CLMN: variants seen among roughly 807,000 people sequenced by gnomAD.
CLMN encodes calmin.
A neutral mutation model predicts 92.7 loss-of-function variants in CLMN; 57 were observed. The ratio of observed to expected loss-of-function variants is 0.61; its 90% CI spans 0.50 to 0.77. CLMN has a LOEUF of 0.77. CLMN is among the 30% of genes least tolerant of loss of function. The pLI, the probability that CLMN is intolerant of heterozygous loss-of-function variation, is 0.00. For synonymous variants in CLMN, 466 were observed against 470.6 expected (o/e 0.99, Z 0.13); for missense variants, 1,158 against 1,237.5 (o/e 0.94, Z 0.96).
At chr14:95,269,463 C>T (rs903871660) in intron 1 of CLMN, among the ~76,000 whole-genome samples, 3 of 152,316 alleles carry the variant, frequency 2.0e-5, no homozygotes, top group African/African-American at 2.4e-5. Flanking sequence ...GGTACATCTA[C>T]GGAAAGGTGG....
intron 1 of CLMN, among the ~76,000 whole-genome samples, chr14:95,306,930 TAC>T (rs1901304568): frequency 2.6e-5 from 4 of 152,124 alleles, no homozygotes; most frequent in Admixed American, 6.5e-5. Context: ...GATGAAACAA[TAC>T]ATGCATGTTA....
At chr14:95,196,347 A>C (rs1896710609) in intron 10 of CLMN, 151 bp downstream of exon 10, 1 of 777,278 alleles carries the variant, frequency 1.3e-6, no homozygotes, top group South Asian at 2.0e-5. Context: ...CGGGGAACCC[A>C]GGTGTAGAGA....
chr14:95,291,656 T>C (rs1041795682), intron 1 of CLMN, among the ~76,000 whole-genome samples: 4 of 152,124 alleles, frequency 2.6e-5, no homozygotes, highest in Non-Finnish European at 4.4e-5. Flanking sequence ...CAGAGCCCCA[T>C]AGATAAATTC....
At chr14:95,278,980 A>C (rs1354956699) in intron 1 of CLMN, among the ~76,000 whole-genome samples, 1 of 152,222 alleles carries the variant, frequency 6.6e-6, no homozygotes, top group Non-Finnish European at 1.5e-5. Flanking sequence ...TGAAGCCAGT[A>C]ATCTAATTAA....
At position 95,193,893 on chromosome 14, in the gene CLMN, C is replaced by G; in HGVS notation, c.2796G>C (p.Arg932Ser). The G allele has an allele frequency of 6.2e-7, 1 of 1,614,140 alleles. No homozygotes were observed. Among genetic ancestry groups the G allele is most frequent in the Non-Finnish European group, 8.5e-7 (1 of 1,180,038 alleles). Residue 932 changes from arginine (R) to serine (S), a missense_variant, in exon 12 of 13, where the codon AGG (arginine) becomes AGC (serine). Transcript: ENST00000298912. ...TTCTGTCATCCAGATCTGCTGCGTT[C>G]CTCAACTGAACATAGCTAAAATGAT... ...ESDHFSYVQL[R>S]NAADLDDRRN...
chr14:95,316,309 C>A (rs1373019496), intron 1 of CLMN, among the ~76,000 whole-genome samples: 2 of 152,272 alleles, frequency 1.3e-5, no homozygotes, highest in Non-Finnish European at 2.9e-5. Context: ...ACCCCTGTTT[C>A]CTTGCAAGGG....
rs201977009 is a variant in CLMN at position 95,253,614 on chromosome 14, T to TTG, written c.83-23482_83-23481insCA. On this transcript the variant is annotated intron_variant, in intron 1 of 12. Transcript: ENST00000298912. Reference sequence around the variant, plus strand: ...CATTAACACAGTGTTTTTTTGTTTTTTTGTTTTTTTTTTTTTGAGACAGAG... The same window carrying TTG: ...CATTAACACAGTGTTTTTTTGTTTTTTGTTGTTTTTTTTTTTTTGAGACAGAG... Among the ~76,000 whole-genome samples, 415 of 121,162 alleles carry TTG rather than the reference T, an allele frequency of 3.4e-3. 2 individuals carry two copies. Among genetic ancestry groups the TTG allele is most frequent in the African/African-American group, 0.011 (365 of 32,036 alleles). The allele number at this position is 121,162 out of a possible 152,430, so 79.5% of individuals were successfully genotyped here.
At position 95,196,619 on chromosome 14, in the gene CLMN, T is replaced by C. The variant is rs780508463; in HGVS notation, c.2587A>G (p.Lys863Glu). The C allele has an allele frequency of 6.2e-7, 1 of 1,614,220 alleles. No individual in the cohort carries two copies. The change falls in exon 10 of 13, where the codon AAA becomes GAA. Residue 863 changes from lysine (K) to glutamate (E), a missense_variant. By Grantham distance (56) the Lys-to-Glu change is moderately conservative. Coordinates refer to ENST00000298912, the MANE Select transcript of CLMN (RefSeq NM_024734.4). The part of the protein sequence containing the change: ...ENVTKESISS[K>E]KKEKRKHVDH... The stretch of plus-strand genomic sequence containing the variant: ...ACATGTTTCCTTTTTTCCTTTTTTT[T>C]ACTACTGATTGATTCTTTCGTTACA...
intron 1 of CLMN, among the ~76,000 whole-genome samples, chr14:95,283,396 A>T (rs992315652): frequency 2.6e-5 from 4 of 152,156 alleles, no homozygotes; most frequent in Non-Finnish European, 5.9e-5. Flanking sequence ...ATGAACTAAT[A>T]CAGTAAATTG....
intron 1 of CLMN, among the ~76,000 whole-genome samples, chr14:95,245,225 T>TATATATATATAATA (rs1491192837): frequency 4.1e-5 from 1 of 24,350 alleles, no homozygotes; most frequent in African/African-American, 2.7e-4. Context: ...TATATATATA[T>TATATATATATAATA]TATATATATA....
chr14:95,245,226 T>TATATATATATATTATATATATATATATA (rs1566891154), intron 1 of CLMN, among the ~76,000 whole-genome samples: 1 of 24,928 alleles, frequency 4.0e-5, no homozygotes, highest in Non-Finnish European at 5.9e-5. Flanking sequence ...ATATATATAT[T>TATATATATATATTATATATATATATATA]ATATATATAT....
rs1015134000 is a variant in CLMN, at chr14:95,194,042, G to A, written c.2770-123C>T. 6 of 1,491,990 alleles carry A rather than the reference G, an allele frequency of 4.0e-6. No homozygotes were observed. The African/African-American group carries it at 4.2e-5, about 11-fold the overall frequency. The allele number at this position is 1,491,990 out of a possible 1,614,324, so 92.4% of individuals were successfully genotyped here. ...AGCATGCCGGGCATTTCTCAATACC[G>A]CCAGCGTCTAGATCCAAAATCAAAG... On this transcript the variant is annotated intron_variant, in intron 11 of 12. Transcript: ENST00000298912. This position sits in a 1 kb window ranked among gnomAD's most constrained non-coding sequence, Gnocchi z 4.0.
chr14:95,255,209 G>C lies in CLMN; in HGVS notation c.83-25076C>G, dbSNP rs142795336. Among the ~76,000 whole-genome samples, 374 of 152,314 alleles carry C rather than the reference G, an allele frequency of 2.5e-3. 1 individual carries two copies. The highest frequency in any genetic ancestry group is 8.7e-3 in the African/African-American group (360 of 41,566). On this transcript the variant is annotated intron_variant, in intron 1 of 12. Coordinates refer to ENST00000298912, the MANE Select transcript of CLMN (RefSeq NM_024734.4). ...CCGGCACCTTGATCCTGGACTTCCA[G>C]CCTCCAGCACTATAGGAAAATACAT... is the stretch of plus-strand genomic sequence containing the variant.
chr14:95,245,663 G>GATGGAT (rs1344653724), intron 1 of CLMN, among the ~76,000 whole-genome samples: 1 of 98,300 alleles, frequency 1.0e-5, no homozygotes, highest in Non-Finnish European at 2.0e-5. Context: ...TGGATAGGTA[G>GATGGAT]ATGGATAGAT....
intron 1 of CLMN, among the ~76,000 whole-genome samples, chr14:95,290,594 G>A (rs946203006): frequency 1.3e-5 from 2 of 152,144 alleles, no homozygotes; most frequent in African/African-American, 4.8e-5. Context: ...AAACAGGCAA[G>A]GCAACAGATT....
Position 95,294,897 on chromosome 14 carries a change from C to T in CLMN, c.82+24814G>A, listed in dbSNP as rs1900742590. Among the ~76,000 whole-genome samples the T allele has an allele frequency of 6.6e-6, 1 of 152,238 alleles. No homozygotes were observed. ...TGGTTTTGGCCAGGGCTGCATTCTT[C>T]CACCTGGGCCCCCAGCTCCAGCCAG... On this transcript the variant is annotated intron_variant, in intron 1 of 12. Coordinates refer to ENST00000298912, the MANE Select transcript of CLMN (RefSeq NM_024734.4). The surrounding 1 kb of genome is among the most constrained non-coding windows in gnomAD (Gnocchi z 4.2).
At chr14:95,286,815 T>C (rs997746719) in intron 1 of CLMN, among the ~76,000 whole-genome samples, 1 of 152,142 alleles carries the variant, frequency 6.6e-6, no homozygotes, top group Non-Finnish European at 1.5e-5. Flanking sequence ...TGTCTCACGG[T>C]AGATCAGTCA....
chr14:95,254,252 A>G (rs1419176116), intron 1 of CLMN, among the ~76,000 whole-genome samples: 1 of 152,176 alleles, frequency 6.6e-6, no homozygotes, highest in East Asian at 1.9e-4. Flanking sequence ...CCACCCCCCA[A>G]GGTCAGCAGT....
chr14:95,191,540 T>G lies in CLMN; in HGVS notation c.*24A>C. The stretch of plus-strand genomic sequence containing the variant: ...CCCCGCCCCTGGTCAGGGTCCTGTC[T>G]TTTTTATTATCCAGACACACGTATC... On this transcript the variant is annotated 3_prime_UTR_variant, in exon 13 of 13. Transcript: ENST00000298912. This position sits in a 1 kb window ranked among gnomAD's most constrained non-coding sequence, Gnocchi z 5.3. The G allele has an allele frequency of 6.3e-7, 1 of 1,594,294 alleles. No homozygotes were observed.
Sources: gnomAD v4.1 joint callset for allele counts (sites outside exome capture counted in the v4.1 genomes callset) on GRCh38, gnomAD v4.1.1 for gene constraint, Gnocchi (gnomAD v3.1) non-coding constraint, MANE v1.5 for transcripts, NCBI Gene and HGNC (gene_info 2026-07-23, HGNC 2026-07-21) for gene names.